Variants in ZNF14 observed in about 807,000 individuals in gnomAD.
The protein encoded by ZNF14 is zinc finger protein 14.
Under a neutral mutation model 11.3 loss-of-function variants are expected in ZNF14, and 9 were observed. That is an observed-to-expected ratio of 0.80 (90% CI 0.48 to 1.39). The LOEUF is 1.39. ZNF14 is among the 40% of genes most tolerant of loss of function. The probability of loss-of-function intolerance (pLI) is 0.00; values close to 1 mark genes in which losing one functional copy is unlikely to be tolerated. For missense variants in ZNF14, 711 were observed against 763.9 expected, an observed-to-expected ratio of 0.93 and a Z score of 0.82; for synonymous variants, 239 against 245.7, an observed-to-expected ratio of 0.97 and a Z score of 0.25.
rs1335995791 is a variant in ZNF14, at chr19:19,727,545, G to A, written c.3+5411C>T. Among the ~76,000 whole-genome samples the A allele has an allele frequency of 3.8e-5, 5 of 132,860 alleles. 1 individual carries two copies. The highest frequency in any genetic ancestry group is 5.6e-5 in the African/African-American group (2 of 35,904). 87.2% of individuals were successfully genotyped at this position (132,860 alleles called of 152,430 possible). A position where few individuals can be genotyped will look rare whatever the true frequency, so the allele number is the denominator to read the frequency against. On this transcript the variant is annotated intron_variant, in intron 1 of 3. Coordinates refer to ENST00000344099, the MANE Select transcript of ZNF14 (RefSeq NM_021030.3). ...GCCACCGTAAAAATTCCTGAGCCTCGAATACATAGATATCCAACAATGCCA... is the reference window on the plus strand; with the variant it reads ...GCCACCGTAAAAATTCCTGAGCCTCAAATACATAGATATCCAACAATGCCA...
intron 3 of ZNF14, among the ~76,000 whole-genome samples, chr19:19,713,511 C>T (rs1278033528): frequency 6.6e-6 from 1 of 151,654 alleles, no homozygotes; most frequent in Admixed American, 6.6e-5. Context: ...TACAGTGGCA[C>T]GATCTAGGCT....
chr19:19,710,523 A>G lies in ZNF14; in HGVS notation c.*829T>C, dbSNP rs1157359910. On this transcript the variant is annotated 3_prime_UTR_variant, in exon 4 of 4. Transcript: ENST00000344099. ...CTGTTTACATGATACTTTCTTTCTT[A>G]TTAAATATAACCTGACAATCTTTAT... The G allele has an allele frequency of 6.6e-6, 1 of 152,202 alleles. No homozygotes were observed. The highest frequency in any genetic ancestry group is 1.5e-5 in the Non-Finnish European group (1 of 68,038). 9.4% of individuals were successfully genotyped at this position (152,202 alleles called of 1,614,324 possible). A position where few individuals can be genotyped will look rare whatever the true frequency, so the allele number is the denominator to read the frequency against.
chr19:19,718,092 T>A (rs533274976), intron 1 of ZNF14, among the ~76,000 whole-genome samples: 1 of 152,056 alleles, frequency 6.6e-6, no homozygotes, highest in South Asian at 2.1e-4. Context: ...TCTTGTCGAG[T>A]TTTCAACAAA....
At chr19:19,724,068 TG>T (rs1419788114) in intron 1 of ZNF14, among the ~76,000 whole-genome samples, 1 of 133,496 alleles carries the variant, frequency 7.5e-6, no homozygotes, top group Non-Finnish European at 1.7e-5. Flanking sequence ...GAGTTTTTTG[TG>T]TCTCTATCTC....
chr19:19,715,223 A>C (rs960019543), intron 1 of ZNF14, among the ~76,000 whole-genome samples: 5 of 152,206 alleles, frequency 3.3e-5, no homozygotes, highest in African/African-American at 1.2e-4. Context: ...ATAAGGTTTT[A>C]ATAAATAAAT....
intron 1 of ZNF14, among the ~76,000 whole-genome samples, chr19:19,727,483 T>A (rs2062409589): frequency 7.6e-6 from 1 of 132,016 alleles, no homozygotes. Context: ...CAACAACTAC[T>A]ACTACTACTA....
intron 1 of ZNF14, among the ~76,000 whole-genome samples, chr19:19,727,057 G>A (rs2062408437): frequency 7.5e-6 from 1 of 133,588 alleles, no homozygotes; most frequent in Non-Finnish European, 1.7e-5. Context: ...GCCCCGCCCT[G>A]CTCCATGGGC....
chr19:19,713,774 G>A (rs2062369675), intron 3 of ZNF14, among the ~76,000 whole-genome samples: 1 of 82,034 alleles, frequency 1.2e-5, no homozygotes, highest in Admixed American at 1.2e-4. Flanking sequence ...CCCCAGATGA[G>A]GTCTTGCTAT....
chr19:19,729,657 G>C (rs533347680), intron 1 of ZNF14, among the ~76,000 whole-genome samples: 1 of 152,188 alleles, frequency 6.6e-6, no homozygotes, highest in South Asian at 2.1e-4. Flanking sequence ...AACAACAGAA[G>C]ATTATGTAGA....
intron 1 of ZNF14, among the ~76,000 whole-genome samples, chr19:19,732,576 G>A (rs1488756130): frequency 1.3e-5 from 2 of 152,236 alleles, no homozygotes; most frequent in Non-Finnish European, 2.9e-5. Flanking sequence ...TCACAAGTGA[G>A]GAAACGCACC....
rs948417600 is a variant in ZNF14, at chr19:19,720,486, G to A, written c.4-5999C>T. The stretch of plus-strand genomic sequence containing the variant: ...TTTCCGAGTAACTTAAATAACAGGC[G>A]CCTGCCACCATGCCTGGCTAATTTT... On this transcript the variant is annotated intron_variant, in intron 1 of 3. Coordinates refer to ENST00000344099, the MANE Select transcript of ZNF14 (RefSeq NM_021030.3). This position sits in a 1 kb window ranked among gnomAD's most constrained non-coding sequence, Gnocchi z 4.1. 1.3e-5 allele frequency among the ~76,000 whole-genome samples: 2 copies of A among 151,964 alleles called. No homozygotes were observed. Among genetic ancestry groups the A allele is most frequent in the Non-Finnish European group, 2.9e-5 (2 of 67,988 alleles).
At chr19:19,716,940 C>G (rs2062379445) in intron 1 of ZNF14, among the ~76,000 whole-genome samples, 1 of 152,200 alleles carries the variant, frequency 6.6e-6, no homozygotes, top group Non-Finnish European at 1.5e-5. Context: ...GGCAGGGACA[C>G]AGAAGCATGT....
intron 1 of ZNF14, among the ~76,000 whole-genome samples, chr19:19,714,713 C>CTTTTTT (rs3031866): frequency 0.045 from 5,471 of 122,578 alleles, 212 homozygotes; most frequent in Middle Eastern, 0.096. Context: ...TTTTCTTTTT[C>CTTTTTT]TTTTTTTTTT....
chr19:19,722,381 G>A (rs909920166), intron 1 of ZNF14, among the ~76,000 whole-genome samples: 2 of 152,106 alleles, frequency 1.3e-5, no homozygotes, highest in African/African-American at 2.4e-5. Context: ...GATCAGGGTC[G>A]TAGATGTGTG....
intron 1 of ZNF14, among the ~76,000 whole-genome samples, chr19:19,715,590 TCTTA>T (rs996997402): frequency 3.3e-5 from 5 of 152,164 alleles, no homozygotes; most frequent in Non-Finnish European, 5.9e-5. Flanking sequence ...TTACATTACT[TCTTA>T]CTTTTCAAGG....
chr19:19,711,019 C>T lies in ZNF14; in HGVS notation c.*333G>A, dbSNP rs2062357624. On this transcript the variant is annotated 3_prime_UTR_variant, in exon 4 of 4. Transcript: ENST00000344099. ...TTCTGACCTCAAATGATCTGCCTGCCTTGCACCTTGGCCTCCCAAAGTGCT... is the reference window on the plus strand; with the variant it reads ...TTCTGACCTCAAATGATCTGCCTGCTTTGCACCTTGGCCTCCCAAAGTGCT... The T allele has an allele frequency of 9.2e-6, 2 of 218,124 alleles. No individual in the cohort carries two copies. The highest frequency in any genetic ancestry group is 4.6e-5 in the African/African-American group (2 of 43,340). The allele number at this position is 218,124 out of a possible 1,614,324, so 13.5% of individuals were successfully genotyped here. A position where few individuals can be genotyped will look rare whatever the true frequency, so the allele number is the denominator to read the frequency against.
intron 1 of ZNF14, among the ~76,000 whole-genome samples, chr19:19,715,498 G>A (rs1400579220): frequency 6.6e-6 from 1 of 152,208 alleles, no homozygotes; most frequent in Admixed American, 6.5e-5. Flanking sequence ...TAACCATTTC[G>A]TGGGGTGGGG....
chr19:19,728,189 G>T (rs570801309), intron 1 of ZNF14, among the ~76,000 whole-genome samples: 1 of 132,780 alleles, frequency 7.5e-6, no homozygotes, highest in South Asian at 2.5e-4. Flanking sequence ...AAAGCAATCT[G>T]TCAGACCAAA....
intron 1 of ZNF14, among the ~76,000 whole-genome samples, chr19:19,724,260 C>T (rs1194782785): frequency 7.5e-6 from 1 of 133,064 alleles, no homozygotes; most frequent in Non-Finnish European, 1.7e-5. Flanking sequence ...TAAATGTGTC[C>T]CAGAGATTCT....
Sources: gnomAD v4.1 joint callset for allele counts (sites outside exome capture counted in the v4.1 genomes callset) on GRCh38, gnomAD v4.1.1 for gene constraint, Gnocchi (gnomAD v3.1) non-coding constraint, MANE v1.5 for transcripts, NCBI Gene and HGNC (gene_info 2026-07-23, HGNC 2026-07-21) for gene names.